The following STK38L variants were observed in gnomAD, a reference collection of about 807,000 sequenced individuals.
The protein encoded by STK38L is serine/threonine kinase 38 like.
In STK38L, 28 loss-of-function variants were observed where a neutral mutation model predicts 59.7. The ratio of observed to expected loss-of-function variants is 0.47; its 90% CI spans 0.35 to 0.64. The LOEUF is 0.64. STK38L is among the 30% of genes least tolerant of loss of function. The pLI is 0.01. For synonymous variants in STK38L, 162 were observed against 176.8 expected (o/e 0.92, Z 0.66); for missense variants, 314 against 555.8 (o/e 0.56, Z 4.37).
chr12:27,322,404 G>A lies in STK38L; in HGVS notation c.1344G>A (p.Gly448=), dbSNP rs749877897. ...FLNYTYKRFE[G]LTQRGSIPTY... is the part of the protein sequence containing the mutation. ...ATTATACCTATAAAAGGTTTGAAGGGTTGACTCAACGTGGCTCTATCCCCA... is the reference window on the plus strand; with the variant it reads ...ATTATACCTATAAAAGGTTTGAAGGATTGACTCAACGTGGCTCTATCCCCA... Residue 448 remains glycine (G), a synonymous_variant, in exon 14 of 14, where the codon GGG becomes GGA. Transcript: ENST00000389032. The A allele has an allele frequency of 2.5e-6, 4 of 1,613,872 alleles. No homozygotes were observed. The highest frequency in any genetic ancestry group is 1.7e-6 in the Non-Finnish European group (2 of 1,179,940).
In STK38L at chr12:27,312,687, T is replaced by G; in HGVS notation, c.517+15T>G. ...TCTCCCTGGAGGTAAAAGCAAACATTGTATCAATGACAGACTGATACAAGC... is the reference window on the plus strand; with the variant it reads ...TCTCCCTGGAGGTAAAAGCAAACATGGTATCAATGACAGACTGATACAAGC... On this transcript the variant is annotated intron_variant, in intron 6 of 13. Transcript: ENST00000389032. The G allele has an allele frequency of 6.2e-7, 1 of 1,613,526 alleles. No individual in the cohort carries two copies. The highest frequency in any genetic ancestry group is 8.5e-7 in the Non-Finnish European group (1 of 1,179,794).
chr12:27,300,936 A>G (rs539207513), intron 2 of STK38L, among the ~76,000 whole-genome samples: 12 of 152,340 alleles, frequency 7.9e-5, no homozygotes, highest in African/African-American at 1.4e-4. Flanking sequence ...GAGGGTTTCA[A>G]TCCTTAACCC....
chr12:27,284,130 A>C (rs1362606758), intron 1 of STK38L, among the ~76,000 whole-genome samples: 1 of 152,208 alleles, frequency 6.6e-6, no homozygotes, highest in Non-Finnish European at 1.5e-5. Flanking sequence ...GATAGGAAGC[A>C]ATGACTTAGT....
At chr12:27,315,985 G>A (rs1944576510) in intron 9 of STK38L, among the ~76,000 whole-genome samples, 1 of 152,126 alleles carries the variant, frequency 6.6e-6, no homozygotes, top group African/African-American at 2.4e-5. Flanking sequence ...ACAGTCTACA[G>A]GTTAAGAATG....
chr12:27,307,627 T>C (rs1944349593), intron 3 of STK38L, among the ~76,000 whole-genome samples: 1 of 152,200 alleles, frequency 6.6e-6, no homozygotes, highest in African/African-American at 2.4e-5. Context: ...AGAATTTTGA[T>C]TGGTGAGGGT....
At chr12:27,263,378 C>T (rs1302806552) in intron 1 of STK38L, among the ~76,000 whole-genome samples, 1 of 151,778 alleles carries the variant, frequency 6.6e-6, no homozygotes, top group Non-Finnish European at 1.5e-5. Context: ...TTCTCTTTGA[C>T]ATTCACTCCA....
rs1944822641 is a variant in STK38L, at chr12:27,325,691, TA to T, written c.*3237del. 4 of 152,178 alleles carry T rather than the reference TA, an allele frequency of 2.6e-5. No homozygotes were observed. The highest frequency in any genetic ancestry group is 1.3e-4 in the Admixed American group (2 of 15,276). The allele number at this position is 152,178 out of a possible 1,614,324, so 9.4% of individuals were successfully genotyped here. On this transcript the variant is annotated 3_prime_UTR_variant, in exon 14 of 14. Coordinates refer to ENST00000389032, the MANE Select transcript of STK38L (RefSeq NM_015000.4). ...TAATGAAACAAACGCTTAGAACAAA[TA>T]TAAATATGAGACACTTGGGACTACT...
chr12:27,320,875 G>A (rs1194338855), intron 12 of STK38L, among the ~76,000 whole-genome samples: 2 of 149,920 alleles, frequency 1.3e-5, no homozygotes, highest in Admixed American at 1.3e-4. Flanking sequence ...TCCACCTCCC[G>A]GGTTCACGCC....
intron 5 of STK38L, among the ~76,000 whole-genome samples, chr12:27,310,272 A>G (rs1382784130): frequency 6.6e-6 from 1 of 152,222 alleles, no homozygotes; most frequent in African/African-American, 2.4e-5. Context: ...GAGTTGGATT[A>G]GAGAACTATA....
At chr12:27,295,240 T>A (rs576130814) in intron 1 of STK38L, among the ~76,000 whole-genome samples, 1 of 152,390 alleles carries the variant, frequency 6.6e-6, no homozygotes, top group African/African-American at 2.4e-5. Flanking sequence ...GTGCCTAGAA[T>A]AGTATCTTAC....
chr12:27,306,970 C>G (rs1255116428), intron 3 of STK38L, among the ~76,000 whole-genome samples: 2 of 152,202 alleles, frequency 1.3e-5, no homozygotes, highest in African/African-American at 4.8e-5. Context: ...ACTTCATGAT[C>G]CATCCACCTC....
intron 3 of STK38L, among the ~76,000 whole-genome samples, chr12:27,303,267 A>G (rs890902738): frequency 2.0e-5 from 3 of 151,796 alleles, no homozygotes; most frequent in African/African-American, 7.3e-5. Context: ...AGTCCTAGCT[A>G]CTTGGTAGGA....
intron 9 of STK38L, among the ~76,000 whole-genome samples, chr12:27,316,311 G>A (rs1017413407): frequency 5.9e-5 from 9 of 152,272 alleles, no homozygotes. Flanking sequence ...TTTAGATCAG[G>A]TTTTGCAATT....
chr12:27,249,330 T>TTTTA (rs200601069), intron 1 of STK38L, among the ~76,000 whole-genome samples: 15 of 152,110 alleles, frequency 9.9e-5, no homozygotes, highest in Non-Finnish European at 1.5e-4. Context: ...TATGCTTAGC[T>TTTTA]TTTATTTATT....
chr12:27,293,510 A>G (rs1308108536), intron 1 of STK38L: 1 of 152,242 alleles, frequency 6.6e-6, no homozygotes, highest in Non-Finnish European at 1.5e-5. Context: ...AGTAAACTGC[A>G]TTCTGTCTTG....
chr12:27,288,504 C>T (rs1336857854), intron 1 of STK38L, among the ~76,000 whole-genome samples: 1 of 152,062 alleles, frequency 6.6e-6, no homozygotes, highest in East Asian at 1.9e-4. Flanking sequence ...GCTATCATCT[C>T]ACTCATCCAA....
At chr12:27,278,071 T>A (rs1943575647) in intron 1 of STK38L, among the ~76,000 whole-genome samples, 1 of 152,228 alleles carries the variant, frequency 6.6e-6, no homozygotes, top group Admixed American at 6.5e-5. Context: ...CATGGGGATT[T>A]CCCATTGGGT....
chr12:27,310,386 G>C (rs1944427131), intron 5 of STK38L, among the ~76,000 whole-genome samples: 1 of 152,094 alleles, frequency 6.6e-6, no homozygotes, highest in Non-Finnish European at 1.5e-5. Flanking sequence ...TAGCCTCAGA[G>C]ACAGGGAGGG....
Position 27,308,282 on chromosome 12 carries a change from C to T in STK38L, c.187-57C>T. The T allele has an allele frequency of 7.1e-7, 1 of 1,418,162 alleles. No homozygotes were observed. The allele number at this position is 1,418,162 out of a possible 1,614,324, so 87.8% of individuals were successfully genotyped here. On this transcript the variant is annotated intron_variant, in intron 3 of 13. Transcript: ENST00000389032. This position sits in a 1 kb window ranked among gnomAD's most constrained non-coding sequence, Gnocchi z 4.5. Reference sequence around the variant, plus strand: ...GTGTATCATCTTTTAATACTAGAAGCTCCATCAAAACAACCTAATTATAAA... The same window carrying T: ...GTGTATCATCTTTTAATACTAGAAGTTCCATCAAAACAACCTAATTATAAA...
Sources: gnomAD v4.1 joint callset for allele counts (sites outside exome capture counted in the v4.1 genomes callset) on GRCh38, gnomAD v4.1.1 for gene constraint, Gnocchi (gnomAD v3.1) non-coding constraint, MANE v1.5 for transcripts, NCBI Gene and HGNC (gene_info 2026-07-23, HGNC 2026-07-21) for gene names.